Variants in HHLA2 observed in about 807,000 individuals in gnomAD.
HHLA2 encodes the protein HERV-H LTR-associating protein 2.
HHLA2 carries 48 observed loss-of-function variants against 45.9 expected under a neutral mutation model. That is an observed-to-expected ratio of 1.05 (90% CI 0.83 to 1.33). The LOEUF is 1.33. HHLA2 is among the 40% of genes most tolerant of loss of function. HHLA2 has a pLI of 0.00. For missense variants in HHLA2, 462 were observed against 494.3 expected (o/e 0.93, Z 0.62); for synonymous variants, 161 against 173.9 (o/e 0.93, Z 0.59).
rs573277784 is a variant in HHLA2, at chr3:108,299,026, A to G, written c.-192+2427A>G. Among the ~76,000 whole-genome samples the G allele has an allele frequency of 6.6e-5, 10 of 152,358 alleles. No individual in the cohort carries two copies. In the South Asian group the frequency reaches 1.9e-3, roughly 28 times the overall value. ...CTTTCTATCTAATTTAACCTAGATT[A>G]GAGACATCACCAAGAACACCTTCTG... On this transcript the variant is annotated intron_variant, in intron 1 of 10. Transcript: ENST00000619531.
intron 2 of HHLA2, chr3:108,325,583 C>T (rs1467578117): frequency 4.0e-6 from 1 of 252,146 alleles, no homozygotes; most frequent in South Asian, 5.5e-5. Flanking sequence ...ATTGGCCTCC[C>T]CCACCATAGG....
chr3:108,360,750 A>G (rs1292626037), intron 7 of HHLA2, among the ~76,000 whole-genome samples: 1 of 152,200 alleles, frequency 6.6e-6, no homozygotes, highest in African/African-American at 2.4e-5. Flanking sequence ...TTATTCCTGG[A>G]ATTTTCCATT....
At chr3:108,319,751 T>C (rs2081166450) in intron 2 of HHLA2, among the ~76,000 whole-genome samples, 2 of 152,354 alleles carry the variant, frequency 1.3e-5, no homozygotes, top group South Asian at 4.1e-4. Context: ...CAATAAAATA[T>C]TTTGAGTATC....
intron 7 of HHLA2, among the ~76,000 whole-genome samples, chr3:108,361,717 C>T (rs1257605795): frequency 6.6e-6 from 1 of 151,872 alleles, no homozygotes; most frequent in East Asian, 1.9e-4. Flanking sequence ...ATGTATCCCC[C>T]AGGGATAAGG....
In HHLA2 at chr3:108,325,480, G is replaced by A. The variant is rs1201630779; in HGVS notation, c.-104-2790G>A. ...GTCACTTCTCTGGCTCTCCTCTCCT[G>A]TTAAGCTTTGCTTCCTGGCAGTAAT... is the stretch of plus-strand genomic sequence containing the variant. On this transcript the variant is annotated intron_variant, in intron 2 of 10. Transcript: ENST00000619531. 8 of 367,648 alleles carry A rather than the reference G, an allele frequency of 2.2e-5. No homozygotes were observed. In the East Asian group the frequency reaches 7.4e-4, roughly 34 times the overall value. The allele number at this position is 367,648 out of a possible 1,614,324, so 22.8% of individuals were successfully genotyped here. A position where few individuals can be genotyped will look rare whatever the true frequency, so the allele number is the denominator to read the frequency against.
intron 2 of HHLA2, among the ~76,000 whole-genome samples, chr3:108,316,551 G>A (rs1172671890): frequency 6.6e-6 from 1 of 152,234 alleles, no homozygotes; most frequent in East Asian, 1.9e-4. Context: ...GAGAAGTGAT[G>A]GGGTAGGCTG....
chr3:108,363,752 T>G (rs1446864536), intron 8 of HHLA2, among the ~76,000 whole-genome samples: 1 of 152,140 alleles, frequency 6.6e-6, no homozygotes, highest in Non-Finnish European at 1.5e-5. Flanking sequence ...GAATGATAGT[T>G]TAGTTTCTTT....
rs1202385318 is a variant in HHLA2 at position 108,373,759 on chromosome 3, T to C, written c.1109-1991T>C. ...TCAAAGAGAATAAAATACCTAGGAA[T>C]CCAACTTACAAGGGATGTGAAGGAC... On this transcript the variant is annotated intron_variant, in intron 8 of 10. Coordinates refer to ENST00000619531, the Ensembl canonical transcript of HHLA2. 3.3e-5 allele frequency among the ~76,000 whole-genome samples: 5 copies of C among 151,706 alleles called. No individual in the cohort carries two copies. The South Asian group carries it at 1.0e-3, about 32-fold the overall frequency.
At chr3:108,375,762 C>G in exon 9 of HHLA2, 1 of 1,610,932 alleles carries the variant, frequency 6.2e-7, no homozygotes, top group Middle Eastern at 1.7e-4. Context: ...CAGCTAGAAG[C>G]CAGGAGGAGC....
chr3:108,347,452 A>G (rs2081685682), intron 3 of HHLA2, among the ~76,000 whole-genome samples: 1 of 152,144 alleles, frequency 6.6e-6, no homozygotes. Flanking sequence ...GCTGTGGGAA[A>G]GGATTGGGGG....
At chr3:108,328,269 GC>G (rs1190234322) in exon 3 of HHLA2, 12 of 1,456,008 alleles carry the variant, frequency 8.2e-6, no homozygotes. Flanking sequence ...TATCCACACA[GC>G]ATGTAGGAGA....
chr3:108,305,705 C>A (rs535550772), intron 1 of HHLA2, among the ~76,000 whole-genome samples: 1 of 152,228 alleles, frequency 6.6e-6, no homozygotes, highest in South Asian at 2.1e-4. Context: ...ACTCTCAGGG[C>A]AAATGACTCA....
intron 2 of HHLA2, among the ~76,000 whole-genome samples, chr3:108,318,109 A>G (rs918567026): frequency 1.3e-5 from 2 of 151,190 alleles, no homozygotes; most frequent in African/African-American, 4.9e-5. Context: ...TGAACCAAGG[A>G]GGCTGAGGTT....
At chr3:108,365,431 G>A (rs2082048565) in intron 8 of HHLA2, among the ~76,000 whole-genome samples, 1 of 152,176 alleles carries the variant, frequency 6.6e-6, no homozygotes, top group Admixed American at 6.6e-5. Context: ...CAGGCAGCAT[G>A]ATGCCTCCAG....
exon 10 of HHLA2, chr3:108,376,557 G>A (rs777909863): frequency 2.7e-5 from 44 of 1,611,328 alleles, no homozygotes; most frequent in Non-Finnish European, 3.5e-5. Context: ...AAGAAAATGT[G>A]GTAAGGCATT....
chr3:108,376,749 G>GC (rs1308386392), intron 10 of HHLA2, 192 bp downstream of exon 9: 1 of 492,868 alleles, frequency 2.0e-6, no homozygotes, highest in Non-Finnish European at 3.6e-6. Flanking sequence ...AATTAAACAG[G>GC]CTCTACTTGC....
intron 7 of HHLA2, among the ~76,000 whole-genome samples, chr3:108,361,522 C>G (rs763963752): frequency 6.6e-6 from 1 of 152,106 alleles, no homozygotes; most frequent in South Asian, 2.1e-4. Context: ...CAAAAAGAAG[C>G]CGTGAAGTGC....
chr3:108,376,397 T>A (rs2082275428), intron 9 of HHLA2, 96 bp from the exon 9 acceptor site: 2 of 902,208 alleles, frequency 2.2e-6, no homozygotes, highest in East Asian at 2.7e-5. Flanking sequence ...GTAACTCAGA[T>A]GATTCTAATA....
At position 108,367,575 on chromosome 3, in the gene HHLA2, G is replaced by A. The variant is rs550245219; in HGVS notation, c.1108+5129G>A. ...CGTGAAGCATACACAAGTATCAGTA[G>A]CCGAATCGATCAAGCAGAAGAAAGG... On this transcript the variant is annotated intron_variant, in intron 8 of 10. Coordinates refer to ENST00000619531, the Ensembl canonical transcript of HHLA2. 5.9e-5 allele frequency among the ~76,000 whole-genome samples: 9 copies of A among 151,994 alleles called. No homozygotes were observed. The South Asian group carries it at 1.0e-3, about 18-fold the overall frequency.
Sources: allele counts gnomAD v4.1 joint callset (sites outside exome capture counted in the v4.1 genomes callset), GRCh38; gene constraint gnomAD v4.1.1; transcripts MANE v1.5; gene names NCBI Gene and HGNC (gene_info 2026-07-23, HGNC 2026-07-21).